The following BICD1 variants were observed in gnomAD, a reference collection of about 807,000 sequenced individuals.
BICD1 encodes the protein protein bicaudal D homolog 1.
BICD1 carries 35 observed loss-of-function variants against 92.5 expected under a neutral mutation model. The ratio of observed to expected loss-of-function variants is 0.38; its 90% confidence interval spans 0.29 to 0.50. The LOEUF (loss-of-function observed/expected upper bound fraction) is 0.50. BICD1 is among the 20% of genes least tolerant of loss of function. BICD1 has a pLI of 0.93. For synonymous variants in BICD1, 429 were observed against 465.1 expected (o/e 0.92, Z 1.00); for missense variants, 950 against 1,189.8 (o/e 0.80, Z 2.97).
rs914116732 is a variant in BICD1 at position 32,173,847 on chromosome 12, T to C, written c.214-42400T>C. Among the ~76,000 whole-genome samples the C allele has an allele frequency of 5.3e-5, 8 of 152,238 alleles. No homozygotes were observed. In the South Asian group the frequency reaches 1.2e-3, roughly 24 times the overall value. On this transcript the variant is annotated intron_variant, in intron 1 of 9. Transcript: ENST00000652176. ...TGGAATTCAGTCAACATTTTTTGGA[T>C]AAATGAATGTGAACACTTTAGGAAT...
chr12:32,206,607 A>G (rs1945064266), intron 1 of BICD1, among the ~76,000 whole-genome samples: 1 of 152,218 alleles, frequency 6.6e-6, no homozygotes, highest in Non-Finnish European at 1.5e-5. Flanking sequence ...CTCCTTCTCA[A>G]AAAAAAGAAA....
chr12:32,200,184 C>T (rs1944865882), intron 1 of BICD1, among the ~76,000 whole-genome samples: 1 of 152,212 alleles, frequency 6.6e-6, no homozygotes, highest in Non-Finnish European at 1.5e-5. Context: ...CCTTGGCTTC[C>T]ATCCACTTCT....
intron 4 of BICD1, among the ~76,000 whole-genome samples, chr12:32,317,517 G>A (rs1948535722): frequency 6.6e-6 from 1 of 152,182 alleles, no homozygotes; most frequent in African/African-American, 2.4e-5. Flanking sequence ...TTTGAGAAGT[G>A]TCTGTTCATA....
At chr12:32,282,389 T>A (rs779870119) in intron 2 of BICD1, among the ~76,000 whole-genome samples, 2 of 151,602 alleles carry the variant, frequency 1.3e-5, no homozygotes, top group Non-Finnish European at 2.9e-5. Flanking sequence ...CCCAGCTAAT[T>A]TTTGTATTTT....
At chr12:32,202,620 A>G (rs915298168) in intron 1 of BICD1, among the ~76,000 whole-genome samples, 4 of 151,962 alleles carry the variant, frequency 2.6e-5, no homozygotes, top group African/African-American at 9.7e-5. Context: ...TTTATTTATT[A>G]TTATTTTGGA....
At chr12:32,284,049 GC>G (rs1947491375) in intron 2 of BICD1, among the ~76,000 whole-genome samples, 1 of 152,224 alleles carries the variant, frequency 6.6e-6, no homozygotes, top group Non-Finnish European at 1.5e-5. Context: ...TGAAGATCAG[GC>G]CTTCTTGGCC....
chr12:32,271,138 G>A (rs1947128498), intron 2 of BICD1, among the ~76,000 whole-genome samples: 2 of 152,184 alleles, frequency 1.3e-5, no homozygotes, highest in Admixed American at 1.3e-4. Context: ...AGTCTCCAAG[G>A]AAAGAAAGCA....
rs574924568 is a variant in BICD1 at position 32,376,778 on chromosome 12, GA to G, written c.2841-760del. ...AGCTGCTCGGGAGGCTGAGGCAGGA[GA>G]ATCGCTTGAACTCGGGAGGCGGAGG... On this transcript the variant is annotated intron_variant, in intron 9 of 9. Transcript: ENST00000652176. Among the ~76,000 whole-genome samples the G allele has an allele frequency of 2.8e-4, 42 of 148,746 alleles. 1 individual carries two copies. The South Asian group carries it at 8.7e-3, about 31-fold the overall frequency.
At chr12:32,172,185 A>C (rs1943966459) in intron 1 of BICD1, among the ~76,000 whole-genome samples, 1 of 152,112 alleles carries the variant, frequency 6.6e-6, no homozygotes, top group African/African-American at 2.4e-5. Flanking sequence ...AAGAAGAGGG[A>C]ATCAGTGCTA....
chr12:32,316,319 C>G (rs1481055516), intron 4 of BICD1, among the ~76,000 whole-genome samples: 1 of 150,294 alleles, frequency 6.7e-6, no homozygotes, highest in Non-Finnish European at 1.5e-5. Context: ...GAGATGGAGT[C>G]TCACTCTGTT....
chr12:32,272,374 T>C (rs1226504369), intron 2 of BICD1, among the ~76,000 whole-genome samples: 1 of 152,240 alleles, frequency 6.6e-6, no homozygotes, highest in East Asian at 1.9e-4. Flanking sequence ...TGTCTACATA[T>C]AAGTGTGCAT....
chr12:32,116,684 ATTT>A (rs60228795), intron 1 of BICD1, among the ~76,000 whole-genome samples: 142 of 147,036 alleles, frequency 9.7e-4, no homozygotes, highest in Middle Eastern at 3.4e-3. Flanking sequence ...TATGCTGGCT[ATTT>A]TTTTTTTTTT....
intron 8 of BICD1, among the ~76,000 whole-genome samples, chr12:32,351,824 A>C (rs1470142731): frequency 6.6e-6 from 1 of 151,242 alleles, no homozygotes; most frequent in Non-Finnish European, 1.5e-5. Flanking sequence ...AATTGCTTGA[A>C]CCAGGACGCG....
At chr12:32,316,112 G>A (rs1383861428) in intron 4 of BICD1, among the ~76,000 whole-genome samples, 1 of 140,086 alleles carries the variant, frequency 7.1e-6, no homozygotes. Flanking sequence ...CTCCAGCCTG[G>A]GCAACAGAGT....
intron 1 of BICD1, among the ~76,000 whole-genome samples, chr12:32,172,935 T>C (rs1943986276): frequency 6.6e-6 from 1 of 152,228 alleles, no homozygotes. Flanking sequence ...CATCACCAGG[T>C]TGACAACATA....
At chr12:32,269,406 C>A (rs965962947) in intron 2 of BICD1, among the ~76,000 whole-genome samples, 6 of 152,166 alleles carry the variant, frequency 3.9e-5, no homozygotes, top group Non-Finnish European at 7.4e-5. Context: ...AGAGCATATT[C>A]TTCCTCAGGC....
At chr12:32,339,147 C>A (rs1938256653) in intron 8 of BICD1, 168 bp downstream of exon 8, 1 of 1,340,590 alleles carries the variant, frequency 7.5e-7, no homozygotes, top group Non-Finnish European at 9.5e-7. Flanking sequence ...CCATTTCCTC[C>A]TTCACTCATA....
intron 3 of BICD1, among the ~76,000 whole-genome samples, chr12:32,299,692 CA>C (rs1229945602): frequency 6.6e-6 from 1 of 150,940 alleles, no homozygotes; most frequent in African/African-American, 2.4e-5. Flanking sequence ...CTCGTCTCTA[CA>C]AAAAAACAAT....
chr12:32,321,473 C>T (rs866341048), intron 4 of BICD1, among the ~76,000 whole-genome samples: 1 of 152,144 alleles, frequency 6.6e-6, no homozygotes, highest in South Asian at 2.1e-4. Context: ...TCTGGCAGAA[C>T]AACCAGCTCT....
Sources: allele counts gnomAD v4.1 joint callset (sites outside exome capture counted in the v4.1 genomes callset), GRCh38; gene constraint gnomAD v4.1.1; transcripts MANE v1.5; gene names NCBI Gene and HGNC (gene_info 2026-07-23, HGNC 2026-07-21).